Variants in LRP1B observed in about 807,000 individuals in gnomAD.
LRP1B encodes the protein LDL receptor related protein 1B.
Under a neutral mutation model 556.6 loss-of-function variants are expected in LRP1B, and 217 were observed. That is an observed-to-expected ratio of 0.39 (90% CI 0.35 to 0.44). LRP1B has a LOEUF of 0.44. Ranked by LOEUF, LRP1B falls within the 20% of genes least tolerant of loss-of-function variation. The pLI is 1.00. For synonymous variants in LRP1B, 2,047 were observed against 1,865.8 expected (o/e 1.10, Z -2.50); for missense variants, 5,053 against 5,620.8 (o/e 0.90, Z 3.23).
At chr2:141,570,282 C>G (rs954048845) in intron 2 of LRP1B, among the ~76,000 whole-genome samples, 20 of 150,284 alleles carry the variant, frequency 1.3e-4, no homozygotes, top group Admixed American at 1.3e-3. Context: ...GAAGGAAGAA[C>G]AGTGTAGTGT....
intron 2 of LRP1B, among the ~76,000 whole-genome samples, chr2:141,593,226 A>G (rs1026297339): frequency 6.6e-6 from 1 of 152,212 alleles, no homozygotes; most frequent in Non-Finnish European, 1.5e-5. Flanking sequence ...AACAAAGCAT[A>G]GAAAAAACCT....
intron 6 of LRP1B, among the ~76,000 whole-genome samples, chr2:141,225,455 G>A (rs1683209088): frequency 6.6e-6 from 1 of 152,086 alleles, no homozygotes; most frequent in African/African-American, 2.4e-5. Flanking sequence ...CACCACTTTT[G>A]TAAATCCCAT....
chr2:141,271,522 T>C (rs1375746635), intron 3 of LRP1B, among the ~76,000 whole-genome samples: 1 of 151,658 alleles, frequency 6.6e-6, no homozygotes, highest in African/African-American at 2.4e-5. Flanking sequence ...GAAGTCCCAA[T>C]ATGAATAACA....
chr2:141,977,638 T>C (rs1401954063), intron 1 of LRP1B, among the ~76,000 whole-genome samples: 4 of 152,176 alleles, frequency 2.6e-5, no homozygotes, highest in African/African-American at 9.7e-5. Flanking sequence ...TTCTGATACT[T>C]TGTTGTTGAT....
intron 35 of LRP1B, among the ~76,000 whole-genome samples, chr2:140,731,745 C>T (rs1270415821): frequency 9.4e-6 from 1 of 106,488 alleles, no homozygotes; most frequent in Non-Finnish European, 1.7e-5. Context: ...TCCAGCCTGG[C>T]AACAGAGTGA....
At chr2:141,078,561 G>A (rs1699848454) in intron 7 of LRP1B, among the ~76,000 whole-genome samples, 1 of 152,132 alleles carries the variant, frequency 6.6e-6, no homozygotes, top group African/African-American at 2.4e-5. Context: ...TAAAGCAAGG[G>A]CATCGGTCAC....
chr2:140,302,884 T>C (rs1291732451), intron 83 of LRP1B, among the ~76,000 whole-genome samples: 1 of 151,546 alleles, frequency 6.6e-6, no homozygotes, highest in Non-Finnish European at 1.5e-5. Context: ...CTCCCTTAGT[T>C]CTCCGATTTT....
intron 23 of LRP1B, among the ~76,000 whole-genome samples, chr2:140,896,591 C>T (rs1693961183): frequency 1.3e-5 from 2 of 152,172 alleles, no homozygotes; most frequent in South Asian, 4.1e-4. Context: ...AGCCAATGCT[C>T]CTGCCTCAGT....
chr2:141,723,684 G>C (rs1342013541), intron 2 of LRP1B, among the ~76,000 whole-genome samples: 1 of 151,628 alleles, frequency 6.6e-6, no homozygotes, highest in East Asian at 1.9e-4. Context: ...TTATTTAAAT[G>C]GCTTGCAGAA....
intron 2 of LRP1B, among the ~76,000 whole-genome samples, chr2:141,600,133 G>T (rs76860195): frequency 0.017 from 2,513 of 152,192 alleles, 40 homozygotes; most frequent in Non-Finnish European, 0.021. Context: ...TGGTGAAAAA[G>T]GTATAAATAG....
chr2:141,960,591 A>T (rs1375153614), intron 1 of LRP1B, among the ~76,000 whole-genome samples: 1 of 151,898 alleles, frequency 6.6e-6, no homozygotes, highest in East Asian at 1.9e-4. Flanking sequence ...TGCATCTTCT[A>T]AAATGCTTTC....
At chr2:140,752,258 T>A (rs1415814887) in intron 35 of LRP1B, among the ~76,000 whole-genome samples, 2 of 151,498 alleles carry the variant, frequency 1.3e-5, no homozygotes, top group African/African-American at 2.4e-5. Flanking sequence ...AACAAAACAC[T>A]TAGCCACGGA....
chr2:140,849,737 C>A (rs1257205220), intron 29 of LRP1B, among the ~76,000 whole-genome samples: 2 of 152,012 alleles, frequency 1.3e-5, no homozygotes, highest in Admixed American at 6.5e-5. Flanking sequence ...CAGGGTTTCA[C>A]CGTGTTGGTT....
intron 15 of LRP1B, among the ~76,000 whole-genome samples, chr2:141,000,653 A>G (rs886454603): frequency 3.9e-5 from 6 of 152,066 alleles, no homozygotes; most frequent in Admixed American, 1.3e-4. Context: ...CAGAGGACTG[A>G]TTCGTAACTC....
chr2:141,320,747 C>T (rs1687209511), intron 3 of LRP1B, among the ~76,000 whole-genome samples: 1 of 152,086 alleles, frequency 6.6e-6, no homozygotes, highest in South Asian at 2.1e-4. Context: ...TCTTGACATT[C>T]TACTTACAGG....
At chr2:141,711,151 C>T (rs1261662614) in intron 2 of LRP1B, among the ~76,000 whole-genome samples, 2 of 152,120 alleles carry the variant, frequency 1.3e-5, no homozygotes, top group African/African-American at 4.8e-5. Flanking sequence ...TTGGTCAGGA[C>T]ATTAACCCTA....
chr2:140,848,025 A>G (rs544311539), intron 29 of LRP1B, among the ~76,000 whole-genome samples: 8 of 152,052 alleles, frequency 5.3e-5, no homozygotes, highest in African/African-American at 1.9e-4. Flanking sequence ...TTTTTTTAAG[A>G]TATAACATCT....
At chr2:141,712,686 T>C (rs1385103078) in intron 2 of LRP1B, among the ~76,000 whole-genome samples, 1 of 152,076 alleles carries the variant, frequency 6.6e-6, no homozygotes, top group African/African-American at 2.4e-5. Context: ...TCTTTTGTTT[T>C]GAGACGGAGT....
intron 2 of LRP1B, among the ~76,000 whole-genome samples, chr2:141,587,243 T>C (rs936464177): frequency 2.0e-5 from 3 of 152,162 alleles, no homozygotes; most frequent in African/African-American, 4.8e-5. Flanking sequence ...ACCAGATGTA[T>C]AGATAGTGAA....
Sources: gnomAD v4.1 joint callset for allele counts (sites outside exome capture counted in the v4.1 genomes callset) on GRCh38, gnomAD v4.1.1 for gene constraint, MANE v1.5 for transcripts, NCBI Gene and HGNC (gene_info 2026-07-23, HGNC 2026-07-21) for gene names.